The following TEC variants were observed in gnomAD, a reference collection of about 807,000 sequenced individuals.
TEC encodes the protein tec protein tyrosine kinase, also known as tyrosine-protein kinase Tec.
TEC carries 72 observed loss-of-function variants against 93.0 expected under a neutral mutation model. That is an observed-to-expected ratio of 0.77 (90% confidence interval 0.64 to 0.94). TEC has a LOEUF of 0.94. TEC is among the 40% of genes least tolerant of loss of function. The pLI, the probability that TEC is intolerant of heterozygous loss-of-function variation, is 0.00. For synonymous variants in TEC, 249 were observed against 247.7 expected, an observed-to-expected ratio of 1.01 and a Z score of -0.05; for missense variants, 630 against 757.9, an observed-to-expected ratio of 0.83 and a Z score of 1.98.
Position 48,145,281 on chromosome 4 carries a change from G to A in TEC, c.1268C>T (p.Pro423Leu), listed in dbSNP as rs369398035. 3.7e-6 allele frequency: 6 copies of A among 1,613,956 alleles called. No individual in the cohort carries two copies. The highest frequency in any genetic ancestry group is 3.3e-5 in the Admixed American group (2 of 59,998). ...CACACCATAAAGCTGCACTAACTTCGGGTGTGTCAGTTTCCTGGGAAGGAA... is the reference window on the plus strand; with the variant it reads ...CACACCATAAAGCTGCACTAACTTCAGGTGTGTCAGTTTCCTGGGAAGGAA... ...EAKVMMKLTH[P>L]KLVQLYGVCT... The change falls in exon 14 of 18, where the codon CCG becomes CTG. Residue 423 changes from proline (P) to leucine (L), a missense_variant. Pro to Leu is a moderately conservative substitution (Grantham distance 98, BLOSUM62 -3). This residue lies in a region of TEC where 289 missense variants were observed against 390.0 expected (regional missense o/e 0.74). Transcript: ENST00000381501.
At chr4:48,169,914 T>C (rs10805165) in intron 5 of TEC, among the ~76,000 whole-genome samples, 57,865 of 152,034 alleles carry the variant, frequency 0.38, 12,033 homozygotes, top group East Asian at 0.9. Context: ...CACTGCTACA[T>C]GAGGTTTCTA....
intron 12 of TEC, 68 bp from the exon 13 acceptor site, chr4:48,145,647 A>C: frequency 6.5e-7 from 1 of 1,536,836 alleles, no homozygotes; most frequent in Non-Finnish European, 8.9e-7. Flanking sequence ...GAGAGGGGGA[A>C]AAAGAACCTA....
Position 48,141,043 on chromosome 4 carries a change from A to C in TEC, c.1535+312T>G, listed in dbSNP as rs905390701. ...CCTTTAAAAGGTATTTTATAATACT[A>C]TTAAATTATAAAAATTAAGAGAAGA... is the stretch of plus-strand genomic sequence containing the variant. On this transcript the variant is annotated intron_variant, in intron 15 of 17. Transcript: ENST00000381501. Among the ~76,000 whole-genome samples the C allele has an allele frequency of 3.3e-5, 5 of 152,286 alleles. No individual in the cohort carries two copies. The South Asian group carries it at 1.0e-3, about 32-fold the overall frequency.
chr4:48,269,011 C>T (rs1303817839), intron 1 of TEC, among the ~76,000 whole-genome samples: 1 of 152,216 alleles, frequency 6.6e-6, no homozygotes, highest in East Asian at 1.9e-4. Context: ...AGTGTACACT[C>T]CCAGGTCAAG....
In TEC at chr4:48,138,952, C is replaced by G; in HGVS notation, c.1606G>C (p.Val536Leu). 1 of 1,614,228 alleles carries G rather than the reference C, an allele frequency of 6.2e-7. No individual in the cohort carries two copies. Among genetic ancestry groups the G allele is most frequent in the South Asian group, 1.1e-5 (1 of 91,086 alleles). The change falls in exon 16 of 18, where the codon GTG (valine) becomes CTG (leucine). Residue 536 changes from valine to leucine, a missense_variant. Val to Leu is a conservative substitution (Grantham distance 32). Transcript: ENST00000381501. ...CTGCTGAAGCGGCTGTAATTAAACA[C>G]TTCAGGTGGACACCACTTCACAGGA... is the stretch of plus-strand genomic sequence containing the variant. ...KFPVKWCPPE[V>L]FNYSRFSSKS...
At chr4:48,153,642 A>C (rs2109520886) in intron 9 of TEC, 1 of 152,332 alleles carries the variant, frequency 6.6e-6, no homozygotes, top group South Asian at 2.1e-4. Context: ...CACACAAAAA[A>C]TTTGCAACCT....
At chr4:48,216,512 A>T (rs1195022061) in intron 2 of TEC, among the ~76,000 whole-genome samples, 9 of 21,858 alleles carry the variant, frequency 4.1e-4, no homozygotes, top group South Asian at 1.7e-3. Flanking sequence ...TTCTTTTTTA[A>T]AAAAAATGCA....
chr4:48,191,382 TA>T (rs1191445857), intron 2 of TEC, among the ~76,000 whole-genome samples: 1 of 152,232 alleles, frequency 6.6e-6, no homozygotes, highest in Admixed American at 6.5e-5. Flanking sequence ...TACAGTTCAA[TA>T]AAAAAATATT....
intron 2 of TEC, among the ~76,000 whole-genome samples, chr4:48,195,865 A>G (rs1264637849): frequency 6.6e-6 from 1 of 152,206 alleles, no homozygotes; most frequent in East Asian, 1.9e-4. Flanking sequence ...ATATCTGGCC[A>G]TTCTGAGAGA....
intron 15 of TEC, among the ~76,000 whole-genome samples, chr4:48,139,493 T>C (rs934585814): frequency 5.3e-5 from 8 of 151,800 alleles, no homozygotes. Flanking sequence ...CATATGAAAA[T>C]AGCAAATGCA....
chr4:48,179,366 A>T (rs1560393205), intron 2 of TEC, among the ~76,000 whole-genome samples: 5 of 37,086 alleles, frequency 1.3e-4, no homozygotes, highest in South Asian at 1.8e-3. Flanking sequence ...ATATATATAT[A>T]TATATATATA....
At chr4:48,244,171 C>T (rs910796588) in intron 1 of TEC, among the ~76,000 whole-genome samples, 1 of 152,106 alleles carries the variant, frequency 6.6e-6, no homozygotes, top group African/African-American at 2.4e-5. Flanking sequence ...TTTAATACTC[C>T]TTCCTCTCCC....
chr4:48,145,303 G>A lies in TEC; in HGVS notation c.1254-8C>T. On this transcript the variant is annotated splice_region_variant and splice_polypyrimidine_tract_variant and intron_variant, in intron 13 of 17. Coordinates refer to ENST00000381501, the MANE Select transcript of TEC (RefSeq NM_003215.3). ...TTCGGGTGTGTCAGTTTCCTGGGAA[G>A]GAAGACATATATATAGTTACTATAG... The A allele has an allele frequency of 6.2e-7, 1 of 1,614,032 alleles. No homozygotes were observed. The highest frequency in any genetic ancestry group is 8.5e-7 in the Non-Finnish European group (1 of 1,179,980).
intron 2 of TEC, among the ~76,000 whole-genome samples, chr4:48,198,560 T>C (rs911808739): frequency 6.6e-6 from 1 of 152,222 alleles, no homozygotes; most frequent in Non-Finnish European, 1.5e-5. Context: ...TTTACTACTC[T>C]TTGTCCAACA....
At position 48,258,521 on chromosome 4, in the gene TEC, A is replaced by G. The variant is rs373003892; in HGVS notation, c.-46+11231T>C. On this transcript the variant is annotated intron_variant, in intron 1 of 17. Coordinates refer to ENST00000381501, the MANE Select transcript of TEC (RefSeq NM_003215.3). ...AGCTTTTTCATGTCCCAAAGGGTTCATGTAGACTGTATACTCCCTCTTGTA... is the reference window on the plus strand; with the variant it reads ...AGCTTTTTCATGTCCCAAAGGGTTCGTGTAGACTGTATACTCCCTCTTGTA... Among the ~76,000 whole-genome samples the G allele has an allele frequency of 9.2e-5, 14 of 152,306 alleles. 1 individual carries two copies. In the South Asian group the frequency reaches 2.5e-3, roughly 27 times the overall value.
At chr4:48,148,439 A>C (rs1181772169) in intron 11 of TEC, among the ~76,000 whole-genome samples, 2 of 152,078 alleles carry the variant, frequency 1.3e-5, no homozygotes, top group African/African-American at 4.8e-5. Flanking sequence ...ATCCTGTGGA[A>C]CTCTAATTTT....
chr4:48,194,276 T>A (rs1465295231), intron 2 of TEC, among the ~76,000 whole-genome samples: 2 of 152,226 alleles, frequency 1.3e-5, no homozygotes, highest in African/African-American at 4.8e-5. Context: ...TCCCTGCTTA[T>A]CTGATGTTAG....
chr4:48,260,942 G>A (rs1724483519), intron 1 of TEC, among the ~76,000 whole-genome samples: 1 of 152,264 alleles, frequency 6.6e-6, no homozygotes, highest in Non-Finnish European at 1.5e-5. Flanking sequence ...CTTCAGTATT[G>A]TTTACATCTT....
At chr4:48,215,633 A>G (rs1723052577) in intron 2 of TEC, among the ~76,000 whole-genome samples, 1 of 152,252 alleles carries the variant, frequency 6.6e-6, no homozygotes, top group East Asian at 1.9e-4. Context: ...TCAGTAGGTT[A>G]GGTGTCCCAA....
Sources: allele counts gnomAD v4.1 joint callset (sites outside exome capture counted in the v4.1 genomes callset), GRCh38; gene constraint gnomAD v4.1.1; regional missense constraint gnomAD v4.1.1; transcripts MANE v1.5; gene names NCBI Gene and HGNC (gene_info 2026-07-23, HGNC 2026-07-21).